The following CSGALNACT2 variants were observed in gnomAD, a reference collection of about 807,000 sequenced individuals.
CSGALNACT2 encodes beta 4 GalNAcT-2.
A neutral mutation model predicts 55.3 loss-of-function variants in CSGALNACT2; 35 were observed. That is an observed-to-expected ratio of 0.63 (90% CI 0.48 to 0.84). The LOEUF is 0.84. Ranked by LOEUF, CSGALNACT2 falls within the 40% of genes least tolerant of loss-of-function variation. The pLI, the probability that CSGALNACT2 is intolerant of heterozygous loss-of-function variation, is 0.00. For synonymous variants in CSGALNACT2, 196 were observed against 224.9 expected, an observed-to-expected ratio of 0.87 and a Z score of 1.15; for missense variants, 544 against 657.5, an observed-to-expected ratio of 0.83 and a Z score of 1.89.
rs1231652111 is a variant in CSGALNACT2 at position 43,183,914 on chromosome 10, A to T, written c.*372A>T. The T allele has an allele frequency of 7.7e-6, 2 of 260,530 alleles. No individual in the cohort carries two copies. Among genetic ancestry groups the T allele is most frequent in the Admixed American group, 4.9e-5 (1 of 20,430 alleles). 16.1% of individuals were successfully genotyped at this position (260,530 alleles called of 1,614,324 possible). ...GGGCCACTGTTGGGTGGAGAGCAGCACATTCTTACAGAGGAGATGGAGCGT... is the reference window on the plus strand; with the variant it reads ...GGGCCACTGTTGGGTGGAGAGCAGCTCATTCTTACAGAGGAGATGGAGCGT... On this transcript the variant is annotated 3_prime_UTR_variant, in exon 8 of 8. Coordinates refer to ENST00000374466, the MANE Select transcript of CSGALNACT2 (RefSeq NM_018590.5).
intron 6 of CSGALNACT2, among the ~76,000 whole-genome samples, 193 bp downstream of exon 6, chr10:43,167,291 T>C (rs1283523672): frequency 1.3e-5 from 2 of 152,222 alleles, no homozygotes; most frequent in African/African-American, 4.8e-5. Flanking sequence ...TTCACATTTA[T>C]TGCTTCAGAA....
intron 1 of CSGALNACT2, among the ~76,000 whole-genome samples, chr10:43,143,493 ATGTGTGTGTGTGTG>A (rs3983257): frequency 3.6e-4 from 51 of 141,968 alleles, no homozygotes; most frequent in African/African-American, 1.1e-3. Context: ...CTCTCCAAAA[ATGTGTGTGTGTGTG>A]TGTGTGTGTG....
In CSGALNACT2 at chr10:43,148,693, T is replaced by C. The variant is rs78307846; in HGVS notation, c.-253-6204T>C. Among the ~76,000 whole-genome samples the C allele has an allele frequency of 8.4e-3, 1,283 of 152,332 alleles. 52 individuals are homozygous for C. In the East Asian group the frequency reaches 0.097, roughly 12 times the overall value. On this transcript the variant is annotated intron_variant, in intron 1 of 7. Transcript: ENST00000374466. ...ATTTCATTTTCAGATTGCTTGTTGC[T>C]AATGTAGAGAAATACAATTGATTTT...
intron 1 of CSGALNACT2, among the ~76,000 whole-genome samples, chr10:43,153,640 C>T (rs543647864): frequency 1.3e-5 from 2 of 152,252 alleles, no homozygotes; most frequent in East Asian, 3.9e-4. Flanking sequence ...CTGTTAAAAA[C>T]CTGCTGTCAT....
chr10:43,158,931 G>C lies in CSGALNACT2; in HGVS notation c.878G>C (p.Arg293Thr). The change falls in exon 3 of 8, where the codon AGG becomes ACG. Residue 293 changes from arginine (R) to threonine (T), a missense_variant and splice_region_variant. Around this residue, in one of 2 missense-constraint regions of CSGALNACT2, gnomAD observed 374 missense variants for 401.3 expected, o/e 0.93. Transcript: ENST00000374466. ...TTTGTACAATTTATGCAGAACTTCA[G>C]GTAACTGTCAGGGCTTAATGATTAA... ...EAFVQFMQNF[R>T]DVCIHQDKKI... is the part of the protein sequence containing the mutation. The C allele has an allele frequency of 6.3e-7, 1 of 1,578,126 alleles. No individual in the cohort carries two copies. The highest frequency in any genetic ancestry group is 8.7e-7 in the Non-Finnish European group (1 of 1,148,504).
intron 2 of CSGALNACT2, among the ~76,000 whole-genome samples, chr10:43,157,858 G>A (rs1230634428): frequency 1.3e-5 from 2 of 151,676 alleles, no homozygotes; most frequent in Middle Eastern, 3.2e-3. Context: ...GTGAAACCCC[G>A]TCTCTACTAA....
At chr10:43,139,409 G>A (rs1374289059) in intron 1 of CSGALNACT2, among the ~76,000 whole-genome samples, 10 of 152,162 alleles carry the variant, frequency 6.6e-5, no homozygotes, top group Admixed American at 6.5e-4. Flanking sequence ...AAAAAAGATG[G>A]ATTTCCAGTA....
At chr10:43,172,857 G>A (rs1839409145) in intron 6 of CSGALNACT2, among the ~76,000 whole-genome samples, 1 of 152,192 alleles carries the variant, frequency 6.6e-6, no homozygotes, top group Admixed American at 6.5e-5. Context: ...AGATGAAGCT[G>A]AGCAGAGCTG....
intron 5 of CSGALNACT2, among the ~76,000 whole-genome samples, chr10:43,166,680 G>T (rs942135099): frequency 2.0e-5 from 3 of 152,126 alleles, no homozygotes; most frequent in African/African-American, 7.2e-5. Flanking sequence ...GTTAATCTAC[G>T]TTTATTACTA....
intron 6 of CSGALNACT2, among the ~76,000 whole-genome samples, chr10:43,174,204 CA>C (rs888916623): frequency 9.8e-4 from 137 of 139,130 alleles, no homozygotes; most frequent in Middle Eastern, 3.7e-3. Flanking sequence ...CCCCTCAGCT[CA>C]AAAAAAAAAA....
intron 7 of CSGALNACT2, among the ~76,000 whole-genome samples, chr10:43,181,115 A>C (rs1279216766): frequency 2.6e-5 from 4 of 152,202 alleles, no homozygotes. Flanking sequence ...AACTCACATG[A>C]GTATGGGGGT....
chr10:43,174,587 T>C (rs993552998), intron 6 of CSGALNACT2, among the ~76,000 whole-genome samples: 3 of 152,172 alleles, frequency 2.0e-5, no homozygotes, highest in Non-Finnish European at 4.4e-5. Context: ...TCCCCACTCC[T>C]GCCCATTCAA....
intron 1 of CSGALNACT2, among the ~76,000 whole-genome samples, chr10:43,153,686 A>G (rs954700805): frequency 6.6e-6 from 1 of 152,208 alleles, no homozygotes; most frequent in South Asian, 2.1e-4. Context: ...CTTTGTTACA[A>G]TGGAAGTTCT....
intron 1 of CSGALNACT2, among the ~76,000 whole-genome samples, chr10:43,146,614 C>T (rs1334607382): frequency 6.6e-6 from 1 of 152,112 alleles, no homozygotes; most frequent in African/African-American, 2.4e-5. Context: ...CTTGTAGCCC[C>T]AGATACTCGG....
At chr10:43,158,176 A>G (rs1839059310) in intron 2 of CSGALNACT2, among the ~76,000 whole-genome samples, 1 of 108,890 alleles carries the variant, frequency 9.2e-6, no homozygotes, top group South Asian at 2.9e-4. Flanking sequence ...ATGTATACAC[A>G]CATATATATA....
chr10:43,175,321 G>A (rs892647515), intron 6 of CSGALNACT2, among the ~76,000 whole-genome samples: 20 of 152,272 alleles, frequency 1.3e-4, no homozygotes, highest in African/African-American at 4.3e-4. Flanking sequence ...CCTGCCCTAC[G>A]ACCAAATGTC....
chr10:43,174,574 C>T (rs536209760), intron 6 of CSGALNACT2, among the ~76,000 whole-genome samples: 5 of 152,160 alleles, frequency 3.3e-5, no homozygotes, highest in Non-Finnish European at 7.4e-5. Context: ...CCTTCTCCTT[C>T]ACTCCCCACT....
chr10:43,172,111 GTAA>G (rs560857063), intron 6 of CSGALNACT2, among the ~76,000 whole-genome samples: 1 of 152,186 alleles, frequency 6.6e-6, no homozygotes, highest in South Asian at 2.1e-4. Flanking sequence ...CTCTGATCCA[GTAA>G]TTTCCACCCC....
chr10:43,158,938 G>T lies in CSGALNACT2; in HGVS notation c.878+7G>T. 6.5e-7 allele frequency: 1 copy of T among 1,544,436 alleles called. No individual in the cohort carries two copies. The highest frequency in any genetic ancestry group is 8.9e-7 in the Non-Finnish European group (1 of 1,118,276). The stretch of plus-strand genomic sequence containing the variant: ...AATTTATGCAGAACTTCAGGTAACT[G>T]TCAGGGCTTAATGATTAAGCTACAT... On this transcript the variant is annotated splice_region_variant and intron_variant, in intron 3 of 7. Coordinates refer to ENST00000374466, the MANE Select transcript of CSGALNACT2 (RefSeq NM_018590.5).
Sources: gnomAD v4.1 joint callset for allele counts (sites outside exome capture counted in the v4.1 genomes callset) on GRCh38, gnomAD v4.1.1 for gene constraint, gnomAD v4.1.1 regional missense constraint, MANE v1.5 for transcripts, NCBI Gene and HGNC (gene_info 2026-07-23, HGNC 2026-07-21) for gene names.